Variants in DTNA observed in about 807,000 individuals in gnomAD.
The protein encoded by DTNA is dystrobrevin alpha.
In DTNA, 43 loss-of-function variants were observed where a neutral mutation model predicts 100.7. The ratio of observed to expected loss-of-function variants is 0.43; its 90% CI spans 0.33 to 0.55. The LOEUF is 0.55. Among genes scored for constraint, DTNA ranks in the 20% least tolerant of loss-of-function variants. The pLI, the probability that DTNA is intolerant of heterozygous loss-of-function variation, is 0.04. For synonymous variants in DTNA, 349 were observed against 347.9 expected, an observed-to-expected ratio of 1.00 and a Z score of -0.04; for missense variants, 798 against 953.9, an observed-to-expected ratio of 0.84 and a Z score of 2.15.
chr18:34,847,644 G>A (rs141149032), intron 13 of DTNA, among the ~76,000 whole-genome samples: 6 of 152,260 alleles, frequency 3.9e-5, no homozygotes, highest in Non-Finnish European at 8.8e-5. Flanking sequence ...CATCACCTAG[G>A]TCTTTCCATA....
At chr18:34,615,287 C>A (rs1204317350) in intron 1 of DTNA, among the ~76,000 whole-genome samples, 1 of 152,148 alleles carries the variant, frequency 6.6e-6, no homozygotes, top group African/African-American at 2.4e-5. Flanking sequence ...AAGGACAGCA[C>A]CAAGCCATGA....
rs1187461027 is a variant in DTNA at position 34,712,306 on chromosome 18, G to A, written c.-2+1861G>A. Among the ~76,000 whole-genome samples, 64 of 152,156 alleles carry A rather than the reference G, an allele frequency of 4.2e-4. 1 individual carries two copies. Among genetic ancestry groups the A allele is most frequent in the Non-Finnish European group, 1.0e-4 (7 of 67,938 alleles). On this transcript the variant is annotated intron_variant, in intron 1 of 22. Coordinates refer to ENST00000444659, the MANE Select transcript of DTNA (RefSeq NM_001386795.1). ...TGTCAGAGAAGAGAGTAGTATGGAT[G>A]AGGGAAATTACTAAAAAGTATTTTT...
intron 9 of DTNA, chr18:34,821,418 GA>G (rs2095713881): frequency 2.2e-6 from 1 of 456,256 alleles, no homozygotes; most frequent in African/African-American, 2.0e-5. Context: ...GAAGGTTGAA[GA>G]GGGGGAGTGG....
chr18:34,531,797 G>T (rs1285177850), intron 1 of DTNA, among the ~76,000 whole-genome samples: 1 of 152,060 alleles, frequency 6.6e-6, no homozygotes, highest in African/African-American at 2.4e-5. Context: ...CATCTGAAAA[G>T]CCCTGAAACA....
chr18:34,615,605 G>C (rs901965122), intron 1 of DTNA, among the ~76,000 whole-genome samples: 1 of 151,916 alleles, frequency 6.6e-6, no homozygotes. Context: ...TGTACAAGTT[G>C]GTTTTATAGA....
chr18:34,554,926 A>T (rs2045864927), intron 1 of DTNA, among the ~76,000 whole-genome samples: 1 of 147,024 alleles, frequency 6.8e-6, no homozygotes, highest in Non-Finnish European at 1.5e-5. Flanking sequence ...TTTTCTATTG[A>T]TTGGAATAGT....
intron 1 of DTNA, among the ~76,000 whole-genome samples, chr18:34,657,873 T>G (rs1345617062): frequency 6.6e-6 from 1 of 152,236 alleles, no homozygotes; most frequent in Non-Finnish European, 1.5e-5. Context: ...CATCTTTGTA[T>G]TGCTAGAATA....
chr18:34,500,382 TTATC>T (rs765289990), intron 1 of DTNA, among the ~76,000 whole-genome samples: 3 of 150,534 alleles, frequency 2.0e-5, no homozygotes, highest in African/African-American at 4.9e-5. Context: ...ATTTTTATGT[TTATC>T]TAGTATCCTG....
At chr18:34,834,618 A>G (rs2096094416) in intron 11 of DTNA, among the ~76,000 whole-genome samples, 1 of 152,178 alleles carries the variant, frequency 6.6e-6, no homozygotes, top group Non-Finnish European at 1.5e-5. Flanking sequence ...ACAGAAGGCA[A>G]AGGGAAGCTG....
At chr18:34,778,718 TA>T (rs1160942778) in intron 3 of DTNA, among the ~76,000 whole-genome samples, 1 of 152,208 alleles carries the variant, frequency 6.6e-6, no homozygotes, top group African/African-American at 2.4e-5. Flanking sequence ...ATGGTACCCC[TA>T]AAAAATGTTC....
intron 1 of DTNA, among the ~76,000 whole-genome samples, chr18:34,645,032 A>G (rs1024538892): frequency 1.3e-5 from 2 of 152,126 alleles, no homozygotes; most frequent in African/African-American, 4.8e-5. Flanking sequence ...ATCTTTAATA[A>G]TGATCGTAAT....
At chr18:34,771,959 T>TC (rs1280612067) in intron 3 of DTNA, among the ~76,000 whole-genome samples, 2 of 151,420 alleles carry the variant, frequency 1.3e-5, no homozygotes, top group Non-Finnish European at 3.0e-5. Flanking sequence ...CAGCAGATCT[T>TC]TTTTTTTTTC....
intron 1 of DTNA, among the ~76,000 whole-genome samples, chr18:34,531,818 A>G (rs1359238611): frequency 6.6e-6 from 1 of 152,150 alleles, no homozygotes; most frequent in East Asian, 1.9e-4. Flanking sequence ...AAGAATGATA[A>G]TACTTTATTT....
Position 34,842,279 on chromosome 18 carries a change from T to C in DTNA, c.1346+3442T>C, listed in dbSNP as rs551220722. Among the ~76,000 whole-genome samples the C allele has an allele frequency of 3.9e-5, 6 of 152,312 alleles. No homozygotes were observed. The East Asian group carries it at 1.2e-3, about 29-fold the overall frequency. The stretch of plus-strand genomic sequence containing the variant: ...TATATTTTTCTCAAGTACAAGAAAG[T>C]GTACATTTGTGTTGTCAATAGATTT... On this transcript the variant is annotated intron_variant, in intron 13 of 22. Transcript: ENST00000444659.
chr18:34,515,106 A>C (rs1190201364), intron 1 of DTNA, among the ~76,000 whole-genome samples: 1 of 152,046 alleles, frequency 6.6e-6, no homozygotes, highest in Non-Finnish European at 1.5e-5. Context: ...AGAATATTGC[A>C]AAACAGCTGG....
At chr18:34,558,639 G>C (rs1245372494) in intron 1 of DTNA, among the ~76,000 whole-genome samples, 1 of 152,286 alleles carries the variant, frequency 6.6e-6, no homozygotes, top group South Asian at 2.1e-4. Context: ...ATTGGAGTAG[G>C]CTGGGAATAG....
intron 7 of DTNA, among the ~76,000 whole-genome samples, chr18:34,816,609 T>G (rs2095603377): frequency 6.6e-6 from 1 of 152,156 alleles, no homozygotes; most frequent in Non-Finnish European, 1.5e-5. Context: ...GGGGCAAAAT[T>G]TACAGAAAAT....
intron 1 of DTNA, among the ~76,000 whole-genome samples, chr18:34,565,670 C>T (rs892842641): frequency 2.0e-5 from 3 of 152,158 alleles, no homozygotes; most frequent in Admixed American, 2.0e-4. Context: ...TTCTTTGTGT[C>T]TCTCTGTCTT....
intron 1 of DTNA, among the ~76,000 whole-genome samples, chr18:34,726,441 C>G (rs2086708245): frequency 6.6e-6 from 1 of 152,100 alleles, no homozygotes; most frequent in Non-Finnish European, 1.5e-5. Context: ...CAAGGCAAGT[C>G]CTTCCACCTA....
Sources: gnomAD v4.1 joint callset for allele counts (sites outside exome capture counted in the v4.1 genomes callset) on GRCh38, gnomAD v4.1.1 for gene constraint, MANE v1.5 for transcripts, NCBI Gene and HGNC (gene_info 2026-07-23, HGNC 2026-07-21) for gene names.